Variants in PARM1 observed in about 807,000 individuals in gnomAD.
PARM1 encodes WSC4, cell wall integrity and stress response component 4 homolog.
Under a neutral mutation model 24.6 loss-of-function variants are expected in PARM1, and 14 were observed. That is an observed-to-expected ratio of 0.57 (90% CI 0.38 to 0.89). The LOEUF (loss-of-function observed/expected upper bound fraction) is 0.89. Ranked by LOEUF, PARM1 falls within the 40% of genes least tolerant of loss-of-function variation. The pLI is 0.00. For missense variants in PARM1, 362 were observed against 380.4 expected (o/e 0.95, Z 0.40); for synonymous variants, 179 against 156.6 (o/e 1.14, Z -1.07).
intron 2 of PARM1, among the ~76,000 whole-genome samples, chr4:75,026,211 A>G (rs1261803899): frequency 2.0e-5 from 3 of 152,248 alleles, no homozygotes; most frequent in Non-Finnish European, 4.4e-5. Flanking sequence ...GCTGTGCTTC[A>G]GAAGAAATCA....
chr4:75,045,660 C>T (rs188866186), intron 3 of PARM1, among the ~76,000 whole-genome samples: 2 of 152,336 alleles, frequency 1.3e-5, no homozygotes, highest in Non-Finnish European at 1.5e-5. Context: ...ACTATACCTG[C>T]CCCATGGCCT....
chr4:74,988,629 T>TA (rs1722405325), intron 1 of PARM1, among the ~76,000 whole-genome samples: 2 of 152,168 alleles, frequency 1.3e-5, no homozygotes, highest in Non-Finnish European at 1.5e-5. Context: ...TATAAAAGTG[T>TA]AAAAGAGAGT....
intron 1 of PARM1, among the ~76,000 whole-genome samples, chr4:74,994,464 TA>T (rs1005166180): frequency 7.9e-5 from 12 of 152,140 alleles, no homozygotes; most frequent in African/African-American, 2.9e-4. Context: ...ACCATAAACT[TA>T]AACCTTTGCT....
intron 1 of PARM1, among the ~76,000 whole-genome samples, chr4:74,981,002 A>G (rs570937874): frequency 6.6e-6 from 1 of 152,344 alleles, no homozygotes; most frequent in Admixed American, 6.5e-5. Context: ...CCCAAACTAT[A>G]AACACCTTAG....
rs566417534 is a variant in PARM1, at chr4:75,049,842, T to C, written c.*3595T>C. On this transcript the variant is annotated 3_prime_UTR_variant, in exon 4 of 4. Coordinates refer to ENST00000307428, the MANE Select transcript of PARM1 (RefSeq NM_015393.4). ...TGCTAATTTGCACGTTGATTCACCTTCTTTGCCTTTAAGCCTTTTTTTTCT... is the reference window on the plus strand; with the variant it reads ...TGCTAATTTGCACGTTGATTCACCTCCTTTGCCTTTAAGCCTTTTTTTTCT... The C allele has an allele frequency of 2.0e-5, 3 of 152,512 alleles. No individual in the cohort carries two copies. The South Asian group carries it at 6.2e-4, about 32-fold the overall frequency. 9.4% of individuals were successfully genotyped at this position (152,512 alleles called of 1,614,324 possible).
At chr4:75,000,701 T>C (rs1018202221) in intron 1 of PARM1, among the ~76,000 whole-genome samples, 14 of 152,264 alleles carry the variant, frequency 9.2e-5, no homozygotes, top group Non-Finnish European at 1.8e-4. Flanking sequence ...CAAAGAAGGC[T>C]ACAAAAGAGC....
At chr4:74,975,215 T>C (rs181300511) in intron 1 of PARM1, among the ~76,000 whole-genome samples, 2 of 152,234 alleles carry the variant, frequency 1.3e-5, no homozygotes, top group Non-Finnish European at 2.9e-5. Context: ...AATGTATCAC[T>C]CTTTAAAAAA....
chr4:74,990,349 T>G (rs529643949), intron 1 of PARM1, among the ~76,000 whole-genome samples: 36 of 152,270 alleles, frequency 2.4e-4, no homozygotes, highest in African/African-American at 8.7e-4. Flanking sequence ...ACCTATTAGA[T>G]AGTAATCTCA....
intron 2 of PARM1, among the ~76,000 whole-genome samples, chr4:75,029,602 CT>C (rs1239227048): frequency 2.0e-5 from 3 of 152,130 alleles, no homozygotes; most frequent in African/African-American, 7.2e-5. Flanking sequence ...TCCATTAAAC[CT>C]TTTTTTATAT....
In PARM1 at chr4:74,935,385, A is replaced by G. The variant is rs1225394180; in HGVS notation, c.43+2015A>G. Among the ~76,000 whole-genome samples, 3 of 152,224 alleles carry G rather than the reference A, an allele frequency of 2.0e-5. No homozygotes were observed. The East Asian group carries it at 5.8e-4, about 29-fold the overall frequency. On this transcript the variant is annotated intron_variant, in intron 1 of 3. Coordinates refer to ENST00000307428, the MANE Select transcript of PARM1 (RefSeq NM_015393.4). ...CCGAAAAAATAATATAAAAATTGGC[A>G]TAAATACCTCATGAGATTCTTTGCA...
chr4:74,971,111 A>C (rs764384112), intron 1 of PARM1, among the ~76,000 whole-genome samples: 1 of 152,212 alleles, frequency 6.6e-6, no homozygotes, highest in Non-Finnish European at 1.5e-5. Context: ...TCACAGGGCA[A>C]ATAAAGACAT....
chr4:74,970,051 G>T, intron 1 of PARM1: 1 of 152,318 alleles, frequency 6.6e-6, no homozygotes. Context: ...GATGAAGGCG[G>T]GGCAGGGGGC....
At chr4:75,017,456 C>T (rs1476518395) in intron 2 of PARM1, among the ~76,000 whole-genome samples, 1 of 152,126 alleles carries the variant, frequency 6.6e-6, no homozygotes, top group Non-Finnish European at 1.5e-5. Flanking sequence ...GAACATTCTC[C>T]CTCCAGATCT....
intron 3 of PARM1, among the ~76,000 whole-genome samples, chr4:75,036,376 T>A (rs1723372622): frequency 1.3e-5 from 2 of 152,190 alleles, no homozygotes; most frequent in Non-Finnish European, 2.9e-5. Context: ...AGCCCTCAGT[T>A]CAAATCCTGG....
intron 1 of PARM1, among the ~76,000 whole-genome samples, chr4:75,009,414 A>G (rs1722828260): frequency 6.6e-6 from 1 of 152,200 alleles, no homozygotes; most frequent in Non-Finnish European, 1.5e-5. Flanking sequence ...CATCTAGGCC[A>G]TGTTCTATTC....
chr4:74,939,790 T>C (rs1472859780), intron 1 of PARM1, among the ~76,000 whole-genome samples: 7 of 152,204 alleles, frequency 4.6e-5, no homozygotes, highest in Non-Finnish European at 8.8e-5. Context: ...GCAAAAAATC[T>C]GTGAATACCT....
At chr4:75,025,435 G>C (rs567511499) in intron 2 of PARM1, among the ~76,000 whole-genome samples, 3 of 152,318 alleles carry the variant, frequency 2.0e-5, no homozygotes, top group African/African-American at 7.2e-5. Flanking sequence ...TCACATTACA[G>C]GTGTCAAAAG....
intron 2 of PARM1, among the ~76,000 whole-genome samples, chr4:75,017,604 C>T (rs775633852): frequency 3.9e-5 from 6 of 152,144 alleles, no homozygotes; most frequent in African/African-American, 1.4e-4. Flanking sequence ...TTCTTTTTAT[C>T]GCTTAACCAT....
rs1214523820 is a variant in PARM1, at chr4:75,046,396, T to C, written c.*149T>C. ...TGTTTTTGTTTTCCTCCCTCTCCTC[T>C]GGCTGCTACAACTTCCCCTTTCTGG... is the stretch of plus-strand genomic sequence containing the variant. On this transcript the variant is annotated 3_prime_UTR_variant, in exon 4 of 4. Coordinates refer to ENST00000307428, the MANE Select transcript of PARM1 (RefSeq NM_015393.4). 4 of 561,250 alleles carry C rather than the reference T, an allele frequency of 7.1e-6. No individual in the cohort carries two copies. The Admixed American group carries it at 1.2e-4, about 17-fold the overall frequency. The allele number at this position is 561,250 out of a possible 1,614,324, so 34.8% of individuals were successfully genotyped here.
Sources: gnomAD v4.1 joint callset for allele counts (sites outside exome capture counted in the v4.1 genomes callset) on GRCh38, gnomAD v4.1.1 for gene constraint, MANE v1.5 for transcripts, NCBI Gene and HGNC (gene_info 2026-07-23, HGNC 2026-07-21) for gene names.